CLPTM1: variants seen among roughly 807,000 people sequenced by gnomAD.
The protein encoded by CLPTM1 is putative lipid scramblase CLPTM1.
Under a neutral mutation model 77.3 loss-of-function variants are expected in CLPTM1, and 21 were observed. That is an observed-to-expected ratio of 0.27 (90% confidence interval 0.19 to 0.39). CLPTM1 has a LOEUF of 0.39. CLPTM1 is among the 10% of genes least tolerant of loss of function. The pLI is 1.00. For synonymous variants in CLPTM1, 373 were observed against 381.0 expected, an observed-to-expected ratio of 0.98 and a Z score of 0.24; for missense variants, 642 against 921.2, an observed-to-expected ratio of 0.70 and a Z score of 3.92.
intron 3 of CLPTM1, among the ~76,000 whole-genome samples, chr19:44,973,852 C>T (rs975068853): frequency 1.3e-5 from 2 of 151,094 alleles, no homozygotes; most frequent in South Asian, 2.1e-4. Flanking sequence ...CAACCTCTGC[C>T]TCCCGGGCTC....
At chr19:44,954,768 A>G (rs1970430367), upstream of CLPTM1, 2 of 1,349,248 alleles carry the variant, frequency 1.5e-6, no homozygotes, top group Non-Finnish European at 1.9e-6. Context: ...GGGGTGTATC[A>G]TAGGGTCTCA....
In CLPTM1 at chr19:44,975,674, A is replaced by C. The variant is rs577434021; in HGVS notation, c.468+1077A>C. ...CACCTCCCAGGTTCAAGCGATTCTCATGTGCCAGCCTCCTGAGTAGCTGGG... is the reference window on the plus strand; with the variant it reads ...CACCTCCCAGGTTCAAGCGATTCTCCTGTGCCAGCCTCCTGAGTAGCTGGG... On this transcript the variant is annotated intron_variant, in intron 4 of 13. Coordinates refer to ENST00000337392, the MANE Select transcript of CLPTM1 (RefSeq NM_001294.4). Among the ~76,000 whole-genome samples, 3 of 151,922 alleles carry C rather than the reference A, an allele frequency of 2.0e-5. No homozygotes were observed. In the South Asian group the frequency reaches 6.2e-4, roughly 32 times the overall value.
intron 5 of CLPTM1, among the ~76,000 whole-genome samples, chr19:44,980,812 T>C (rs941411503): frequency 1.1e-4 from 17 of 151,528 alleles, no homozygotes; most frequent in Non-Finnish European, 2.9e-5. Flanking sequence ...TATTTTATTT[T>C]ATTTATTTTA....
intron 5 of CLPTM1, 85 bp downstream of exon 5, chr19:44,977,545 C>A: frequency 9.4e-7 from 1 of 1,064,970 alleles, no homozygotes; most frequent in Non-Finnish European, 1.4e-6. Context: ...GGACAAATCC[C>A]AAGTCCAGGA....
intron 9 of CLPTM1, among the ~76,000 whole-genome samples, chr19:44,988,457 G>C (rs1057141189): frequency 6.6e-6 from 1 of 152,274 alleles, no homozygotes. Context: ...CCAGAGCCAA[G>C]AGCAGGGAAG....
chr19:44,972,179 T>C (rs762201569), intron 2 of CLPTM1, among the ~76,000 whole-genome samples: 6 of 151,892 alleles, frequency 4.0e-5, no homozygotes, highest in Non-Finnish European at 8.8e-5. Flanking sequence ...TCTTAAGTTA[T>C]TTTAAAATGT....
chr19:44,963,474 C>T (rs553470848), intron 2 of CLPTM1, among the ~76,000 whole-genome samples: 34 of 149,362 alleles, frequency 2.3e-4, no homozygotes, highest in Admixed American at 6.0e-4. Context: ...TACAGGCACC[C>T]GCCACCACAC....
chr19:44,976,422 CTG>C (rs1970806580), intron 4 of CLPTM1, among the ~76,000 whole-genome samples: 1 of 152,328 alleles, frequency 6.6e-6, no homozygotes, highest in East Asian at 1.9e-4. Context: ...GAGTTTAAGA[CTG>C]TAGTGTGCCA....
At chr19:44,987,699 G>GC in intron 8 of CLPTM1, 1 of 551,944 alleles carries the variant, frequency 1.8e-6, no homozygotes, top group South Asian at 2.1e-5. Flanking sequence ...TGTGTCCCTG[G>GC]CCCTGGCTCC....
chr19:44,961,936 C>G, intron 1 of CLPTM1, 27 bp from the exon 2 acceptor site: 1 of 1,523,706 alleles, frequency 6.6e-7, no homozygotes, highest in Non-Finnish European at 8.9e-7. Flanking sequence ...CATTCTCCCT[C>G]CTTACCCTGG....
chr19:44,987,460 C>G, intron 8 of CLPTM1, 37 bp downstream of exon 8: 1 of 1,606,728 alleles, frequency 6.2e-7, no homozygotes, highest in Non-Finnish European at 8.5e-7. Flanking sequence ...TTCCCGGTGC[C>G]TTCCTGGGCG....
chr19:44,954,708 A>T, upstream of CLPTM1: 1 of 1,201,584 alleles, frequency 8.3e-7, no homozygotes, highest in Non-Finnish European at 1.0e-6. Context: ...CGAGGTTTGG[A>T]CCACTGAGGG....
chr19:44,985,222 C>T lies in CLPTM1; in HGVS notation c.591C>T (p.Ile197=). Residue 197 remains isoleucine, a synonymous_variant, in exon 6 of 14, where the codon ATC becomes ATT. Coordinates refer to ENST00000337392, the MANE Select transcript of CLPTM1 (RefSeq NM_001294.4). ...TTTCCCACCTCCCAACCACAGTGAT[C>T]AACAAATACAAGCGCAGACGATTTC... ...RLATVHMSRM[I]NKYKRRRFQK... is the part of the protein sequence containing the mutation. 6.2e-7 allele frequency: 1 copy of T among 1,613,376 alleles called. No individual in the cohort carries two copies. Among genetic ancestry groups the T allele is most frequent in the Non-Finnish European group, 8.5e-7 (1 of 1,179,544 alleles).
At chr19:44,972,720 C>T (rs1970740645) in intron 2 of CLPTM1, among the ~76,000 whole-genome samples, 1 of 151,744 alleles carries the variant, frequency 6.6e-6, no homozygotes, top group South Asian at 2.1e-4. Flanking sequence ...TCTTAGTCTC[C>T]TCTCGGGGGA....
intron 9 of CLPTM1, among the ~76,000 whole-genome samples, chr19:44,988,755 C>T (rs1018536615): frequency 4.6e-5 from 7 of 152,224 alleles, no homozygotes; most frequent in African/African-American, 1.4e-4. Flanking sequence ...ATGGTTCCAG[C>T]CCCAACTCTC....
Position 44,993,079 on chromosome 19 carries a change from GA to G in CLPTM1, c.*183del, listed in dbSNP as rs1362565015. 3 of 785,810 alleles carry G rather than the reference GA, an allele frequency of 3.8e-6. No homozygotes were observed. The Admixed American group carries it at 5.7e-5, about 15-fold the overall frequency. The allele number at this position is 785,810 out of a possible 1,614,324, so 48.7% of individuals were successfully genotyped here. On this transcript the variant is annotated 3_prime_UTR_variant, in exon 14 of 14. Transcript: ENST00000337392. ...CGGGGCAGGCCAGGGTTTGTTTGTG[GA>G]GGCGCTGTCTGTCCCTCTGTCCCTC... is the stretch of plus-strand genomic sequence containing the variant.
At position 44,992,457 on chromosome 19, in the gene CLPTM1, T is replaced by C. The variant is rs1236325126; in HGVS notation, c.1723+57T>C. On this transcript the variant is annotated intron_variant, in intron 13 of 13. Coordinates refer to ENST00000337392, the MANE Select transcript of CLPTM1 (RefSeq NM_001294.4). The surrounding 1 kb of genome is among the most constrained non-coding windows in gnomAD (Gnocchi z 7.7). ...CCGGAACAGGGCCCTGAGGCAGTCT[T>C]TAGGGCCCAGGCCTGAGGGGGTGCC... 4 of 1,608,438 alleles carry C rather than the reference T, an allele frequency of 2.5e-6. No individual in the cohort carries two copies. The highest frequency in any genetic ancestry group is 2.7e-5 in the African/African-American group (2 of 74,724).
At chr19:44,988,873 GTAT>G (rs1211311345) in intron 9 of CLPTM1, among the ~76,000 whole-genome samples, 1 of 152,226 alleles carries the variant, frequency 6.6e-6, no homozygotes, top group Non-Finnish European at 1.5e-5. Flanking sequence ...ATGAGTAGTA[GTAT>G]TCCTGGTATT....
intron 5 of CLPTM1, 69 bp downstream of exon 5, chr19:44,977,529 T>C: frequency 8.3e-7 from 1 of 1,205,210 alleles, no homozygotes; most frequent in Non-Finnish European, 1.2e-6. Context: ...CCCAGGCTAA[T>C]GTGGCGGACA....
Sources: gnomAD v4.1 joint callset for allele counts (sites outside exome capture counted in the v4.1 genomes callset) on GRCh38, gnomAD v4.1.1 for gene constraint, Gnocchi (gnomAD v3.1) non-coding constraint, MANE v1.5 for transcripts, NCBI Gene and HGNC (gene_info 2026-07-23, HGNC 2026-07-21) for gene names.